The following APOB variants were observed in gnomAD, a reference collection of about 807,000 sequenced individuals.
APOB encodes apolipoprotein B-100.
APOB carries 153 observed loss-of-function variants against 314.1 expected under a neutral mutation model. The ratio of observed to expected loss-of-function variants is 0.49; its 90% CI spans 0.43 to 0.56. The LOEUF (loss-of-function observed/expected upper bound fraction) is 0.56. Ranked by LOEUF, APOB falls within the 20% of genes least tolerant of loss-of-function variation. APOB has a pLI of 0.00. For missense variants in APOB, 5,430 were observed against 5,350.7 expected, an observed-to-expected ratio of 1.01 and a Z score of -0.46; for synonymous variants, 2,087 against 2,036.4, an observed-to-expected ratio of 1.02 and a Z score of -0.67.
At position 21,002,943 on chromosome 2, in the gene APOB, C is replaced by T. The variant is rs1402488871; in HGVS notation, c.12479G>A (p.Gly4160Asp). ...NLYQELLTQE[G>D]QASFQGLKDN... ...CTTGAGTCCCTGGAAACTGGCTTGGCCTTCCTGAGTCAACAGTTCCTGGTA... is the reference window on the plus strand; with the variant it reads ...CTTGAGTCCCTGGAAACTGGCTTGGTCTTCCTGAGTCAACAGTTCCTGGTA... The change falls in exon 29 of 29, where the codon GGC becomes GAC. Residue 4160 changes from glycine to aspartate, a missense_variant. Coordinates refer to ENST00000233242, the MANE Select transcript of APOB (RefSeq NM_000384.3). 6 of 1,611,644 alleles carry T rather than the reference C, an allele frequency of 3.7e-6. No individual in the cohort carries two copies. The highest frequency in any genetic ancestry group is 2.2e-5 in the South Asian group (2 of 90,610).
intron 9 of APOB, among the ~76,000 whole-genome samples, chr2:21,032,786 A>T (rs749617671): frequency 1.3e-5 from 2 of 152,188 alleles, no homozygotes; most frequent in Non-Finnish European, 2.9e-5. Flanking sequence ...GAAAAGTTCC[A>T]AGAGGGGACT....
At chr2:21,042,329 C>A (rs1664150305) in intron 3 of APOB, 32 bp downstream of exon 3, 2 of 1,554,346 alleles carry the variant, frequency 1.3e-6, no homozygotes, top group South Asian at 1.1e-5. Context: ...AAGCTGTGGG[C>A]TCTAGGTCCC....
chr2:21,001,654 G>A lies in APOB; in HGVS notation c.*76C>T, dbSNP rs2103345890. ...CTCACTGTATGGTTTTATCAATATA[G>A]GCAGTTTGAATTTTTTCTGTGCTAT... is the stretch of plus-strand genomic sequence containing the variant. On this transcript the variant is annotated 3_prime_UTR_variant, in exon 29 of 29. Transcript: ENST00000233242. The A allele has an allele frequency of 6.9e-7, 1 of 1,444,160 alleles. No individual in the cohort carries two copies. Among genetic ancestry groups the A allele is most frequent in the East Asian group, 2.3e-5 (1 of 43,610 alleles). The allele number at this position is 1,444,160 out of a possible 1,614,324, so 89.5% of individuals were successfully genotyped here. A position where few individuals can be genotyped will look rare whatever the true frequency, so the allele number is the denominator to read the frequency against.
At chr2:21,026,986 GA>G (rs761015609) in intron 14 of APOB, 22 bp from the exon 15 acceptor site, 9 of 1,613,466 alleles carry the variant, frequency 5.6e-6, no homozygotes, top group Non-Finnish European at 7.6e-6. Flanking sequence ...AATCAGACAA[GA>G]AAATGGCATC....
chr2:21,035,788 G>T, intron 6 of APOB, 80 bp from the exon 7 acceptor site: 1 of 1,410,284 alleles, frequency 7.1e-7, no homozygotes. Context: ...AGGTAGAAGG[G>T]AGCAGGAGTC....
At position 21,042,351 on chromosome 2, in the gene APOB, T is replaced by G. The variant is rs1427891835; in HGVS notation, c.237+10A>C. On this transcript the variant is annotated intron_variant, in intron 3 of 28. Coordinates refer to ENST00000233242, the MANE Select transcript of APOB (RefSeq NM_000384.3). ...GGGCTCTAGGTCCCTCCTGCCTGCA[T>G]CCTCCATACCTTGCAGTTGATCCTG... is the stretch of plus-strand genomic sequence containing the variant. The G allele has an allele frequency of 1.9e-6, 3 of 1,607,102 alleles. No individual in the cohort carries two copies. Among genetic ancestry groups the G allele is most frequent in the Non-Finnish European group, 8.5e-7 (1 of 1,174,114 alleles).
chr2:21,011,779 A>G lies in APOB; in HGVS notation c.5089T>C (p.Phe1697Leu). 1 of 1,614,058 alleles carries G rather than the reference A, an allele frequency of 6.2e-7. No homozygotes were observed. The highest frequency in any genetic ancestry group is 1.3e-5 in the African/African-American group (1 of 75,004). Residue 1697 changes from phenylalanine (F) to leucine (L), a missense_variant, in exon 26 of 29, where the codon TTC becomes CTC. This residue lies in a region of APOB where 2,085 missense variants were observed against 2,079.7 expected (regional missense o/e 1.00). Coordinates refer to ENST00000233242, the MANE Select transcript of APOB (RefSeq NM_000384.3). ...AGGGCGGCTTTCCCATCCAGACTGA[A>G]TTTTGCATTGTGTTCCCTGAAGCGG... ...NGRFREHNAK[F>L]SLDGKAALTE... is the part of the protein sequence containing the mutation.
At chr2:21,037,474 T>A (rs1402622926) in intron 5 of APOB, among the ~76,000 whole-genome samples, 1 of 152,156 alleles carries the variant, frequency 6.6e-6, no homozygotes, top group Non-Finnish European at 1.5e-5. Flanking sequence ...CAGAAAGGCC[T>A]CCGCAGGTTG....
At position 21,008,253 on chromosome 2, in the gene APOB, C is replaced by G; in HGVS notation, c.8615G>C (p.Gly2872Ala). The change falls in exon 26 of 29, where the codon GGA (glycine) becomes GCA (alanine). Residue 2872 changes from glycine (G) to alanine (A), a missense_variant. By Grantham distance (60) the Gly-to-Ala change is moderately conservative (BLOSUM62 0). Transcript: ENST00000233242. Reference sequence around the variant, plus strand: ...CTGATTGTTTATCTTGACAATCACTCCATTACTAAGCTCCAGTGTATTTTT... The same window carrying G: ...CTGATTGTTTATCTTGACAATCACTGCATTACTAAGCTCCAGTGTATTTTT... ...TEKNTLELSN[G>A]VIVKINNQLT... 1 of 1,614,032 alleles carries G rather than the reference C, an allele frequency of 6.2e-7. No individual in the cohort carries two copies. Among genetic ancestry groups the G allele is most frequent in the Admixed American group, 1.7e-5 (1 of 60,016 alleles).
rs773566874 is a variant in APOB, at chr2:21,003,314, G to T, written c.12108C>A (p.Leu4036=). The change falls in exon 29 of 29, where the codon CTC becomes CTA. Residue 4036 remains leucine, a synonymous_variant. Transcript: ENST00000233242. ...CCCTCAACTCAGTTTTGAATATGGT[G>T]AGTTTTTTATCTGGAGAGGACTAAA... ...YSPQSSPDKK[L]TIFKTELRVR... 6.2e-7 allele frequency: 1 copy of T among 1,612,938 alleles called. No individual in the cohort carries two copies. Among genetic ancestry groups the T allele is most frequent in the Admixed American group, 1.7e-5 (1 of 59,958 alleles).
rs67556837 is a variant in APOB at position 21,029,493 on chromosome 2, G to GAGGA, written c.1617+142_1617+145dup. 4,251 of 805,234 alleles carry GAGGA rather than the reference G, an allele frequency of 5.3e-3. 36 individuals carry two copies. Among genetic ancestry groups the GAGGA allele is most frequent in the African/African-American group, 0.03 (1,772 of 58,542 alleles). The allele number at this position is 805,234 out of a possible 1,614,324, so 49.9% of individuals were successfully genotyped here. ...GAAGGAAAGAAGAAAGGGAGGGAGG[G>GAGGA]AGGAAGGAAGGAAGGAAGGAAGGAA... is the stretch of plus-strand genomic sequence containing the variant. On this transcript the variant is annotated intron_variant, in intron 12 of 28. Coordinates refer to ENST00000233242, the MANE Select transcript of APOB (RefSeq NM_000384.3).
At position 21,012,665 on chromosome 2, in the gene APOB, GAA is replaced by G. The variant is rs753236351; in HGVS notation, c.4217-16_4217-15del. 21 of 1,607,978 alleles carry G rather than the reference GAA, an allele frequency of 1.3e-5. No individual in the cohort carries two copies. Among genetic ancestry groups the G allele is most frequent in the Non-Finnish European group, 1.6e-5 (19 of 1,179,106 alleles). On this transcript the variant is annotated splice_polypyrimidine_tract_variant and intron_variant, in intron 25 of 28. Transcript: ENST00000233242. ...TTTCTCCAGATCCTAACATAAAAAT[GAA>G]AAGACATTGGTTAAATTAAGCAGTA...
In APOB at chr2:21,011,903, A is replaced by G. The variant is rs1475941356; in HGVS notation, c.4965T>C (p.Ser1655=). The G allele has an allele frequency of 1.2e-6, 2 of 1,613,824 alleles. No homozygotes were observed. The highest frequency in any genetic ancestry group is 1.7e-6 in the Non-Finnish European group (2 of 1,180,030). The part of the protein sequence containing the change: ...LRIGQDGIST[S]ATTNLKCSLL... ...GACTACACTTCAAGTTGGTCGTTGC[A>G]CTGGTAGATATTCCATCTTGGCCAA... Residue 1655 remains serine (S), a synonymous_variant, in exon 26 of 29, where the codon AGT becomes AGC. Transcript: ENST00000233242.
chr2:21,009,683 T>C lies in APOB; in HGVS notation c.7185A>G (p.Gly2395=). ...GCTTCTTGACAGCATCATCAATAAA[T>C]CCAACCAATTTCTCAAAGTAATCTT... ...KIKDYFEKLV[G]FIDDAVKKLN... Residue 2395 remains glycine, a synonymous_variant, in exon 26 of 29, where the codon GGA becomes GGG. Transcript: ENST00000233242. The C allele has an allele frequency of 6.2e-7, 1 of 1,613,300 alleles. No individual in the cohort carries two copies. Among genetic ancestry groups the C allele is most frequent in the Non-Finnish European group, 8.5e-7 (1 of 1,179,534 alleles).
In APOB at chr2:21,023,019, T is replaced by A; in HGVS notation, c.2628A>T (p.Lys876Asn). 6.2e-7 allele frequency: 1 copy of A among 1,612,432 alleles called. No individual in the cohort carries two copies. The highest frequency in any genetic ancestry group is 1.7e-5 in the Admixed American group (1 of 59,780). The stretch of plus-strand genomic sequence containing the variant: ...TCACAAACTCCACAGACACGGAGGG[T>A]TTTGCCACCAGTTCAGCCTGCATCT... Reference protein sequence around the residue: ...VANMQAELVAKPSVSVEFVTN... With the variant: ...VANMQAELVANPSVSVEFVTN... Residue 876 changes from lysine to asparagine, a missense_variant, in exon 18 of 29, where the codon AAA becomes AAT. This residue lies in a region of APOB where 2,085 missense variants were observed against 2,079.7 expected (regional missense o/e 1.00). Transcript: ENST00000233242.
At chr2:21,015,326 C>G (rs750198079) in intron 22 of APOB, 44 bp downstream of exon 22, 1 of 1,613,490 alleles carries the variant, frequency 6.2e-7, no homozygotes, top group Non-Finnish European at 8.5e-7. Context: ...GTCTCAACAC[C>G]TGCATTACTT....
Position 21,011,770 on chromosome 2 carries a change from C to T in APOB, c.5098G>A (p.Asp1700Asn), listed in dbSNP as rs140783923. ...FREHNAKFSL[D>N]GKAALTELSL... Reference sequence around the variant, plus strand: ...AGCTCTGTGAGGGCGGCTTTCCCATCCAGACTGAATTTTGCATTGTGTTCC... The same window carrying T: ...AGCTCTGTGAGGGCGGCTTTCCCATTCAGACTGAATTTTGCATTGTGTTCC... The change falls in exon 26 of 29, where the codon GAT (aspartate) becomes AAT (asparagine). Residue 1700 changes from aspartate to asparagine, a missense_variant. By Grantham distance (23) the Asp-to-Asn change is conservative. Transcript: ENST00000233242. The T allele has an allele frequency of 9.9e-6, 16 of 1,614,008 alleles. No individual in the cohort carries two copies. The highest frequency in any genetic ancestry group is 1.4e-5 in the Non-Finnish European group (16 of 1,180,036).
intron 20 of APOB, 107 bp from the exon 21 acceptor site, chr2:21,016,756 G>T: frequency 1.3e-6 from 1 of 753,908 alleles, no homozygotes; most frequent in Admixed American, 1.9e-5. Flanking sequence ...AGGCCAAGGC[G>T]GGCAGATCAT....
chr2:21,017,251 G>A (rs115259542), intron 20 of APOB, among the ~76,000 whole-genome samples: 2,140 of 152,034 alleles, frequency 0.014, 47 homozygotes, highest in African/African-American at 0.049. Context: ...AGCCTATTGT[G>A]TGCTGGGCAC....
Sources: gnomAD v4.1 joint callset for allele counts (sites outside exome capture counted in the v4.1 genomes callset) on GRCh38, gnomAD v4.1.1 for gene constraint, gnomAD v4.1.1 regional missense constraint, MANE v1.5 for transcripts, NCBI Gene and HGNC (gene_info 2026-07-23, HGNC 2026-07-21) for gene names.